Variants in NTM observed in about 807,000 individuals in gnomAD.
The protein encoded by NTM is neurotrimin.
Under a neutral mutation model 42.1 loss-of-function variants are expected in NTM, and 13 were observed. The observed-to-expected ratio is 0.31, with a 90% CI of 0.20 to 0.49. NTM has a LOEUF of 0.49. NTM is among the 20% of genes least tolerant of loss of function. NTM has a pLI of 0.99. For synonymous variants in NTM, 187 were observed against 179.2 expected, an observed-to-expected ratio of 1.04 and a Z score of -0.35; for missense variants, 373 against 452.8, an observed-to-expected ratio of 0.82 and a Z score of 1.60.
At chr11:132,052,391 C>T (rs2078977387) in intron 2 of NTM, among the ~76,000 whole-genome samples, 1 of 152,226 alleles carries the variant, frequency 6.6e-6, no homozygotes, top group African/African-American at 2.4e-5. Context: ...GTTTGAGTAC[C>T]ACTACCCACC....
At chr11:132,236,234 T>C (rs2088864293) in intron 4 of NTM, among the ~76,000 whole-genome samples, 2 of 152,226 alleles carry the variant, frequency 1.3e-5, no homozygotes, top group African/African-American at 4.8e-5. Flanking sequence ...GTAAGTACCA[T>C]TGTAATCTTC....
intron 3 of NTM, among the ~76,000 whole-genome samples, chr11:132,158,854 C>T (rs865868833): frequency 5.3e-5 from 8 of 152,146 alleles, no homozygotes; most frequent in Admixed American, 3.3e-4. Flanking sequence ...AGGAACAAAT[C>T]ACACAGCAGG....
At chr11:131,382,638 C>T (rs1361379562) in intron 1 of NTM, among the ~76,000 whole-genome samples, 1 of 152,172 alleles carries the variant, frequency 6.6e-6, no homozygotes. Flanking sequence ...GTATGATCCA[C>T]TTTCTAAGAG....
At chr11:132,076,519 T>G (rs532489724) in intron 2 of NTM, among the ~76,000 whole-genome samples, 73 of 152,324 alleles carry the variant, frequency 4.8e-4, no homozygotes, top group African/African-American at 1.7e-3. Flanking sequence ...AACATTCTCT[T>G]GGAGAGTGGG....
chr11:131,927,118 C>T (rs1434575980), intron 2 of NTM, among the ~76,000 whole-genome samples: 2 of 152,150 alleles, frequency 1.3e-5, no homozygotes, highest in African/African-American at 4.8e-5. Context: ...TATTTCATCT[C>T]TCTATTCAGT....
intron 2 of NTM, among the ~76,000 whole-genome samples, chr11:132,056,358 C>T (rs2079656494): frequency 6.6e-6 from 1 of 152,194 alleles, no homozygotes; most frequent in African/African-American, 2.4e-5. Flanking sequence ...CACTTGTATA[C>T]ATTGATAAAT....
At chr11:131,873,313 A>G (rs1406671723) in intron 1 of NTM, among the ~76,000 whole-genome samples, 1 of 150,698 alleles carries the variant, frequency 6.6e-6, no homozygotes, top group Non-Finnish European at 1.5e-5. Flanking sequence ...CTGAACAATG[A>G]GAACACATGG....
intron 1 of NTM, among the ~76,000 whole-genome samples, chr11:131,459,860 G>A (rs59635391): frequency 0.01 from 1,591 of 152,248 alleles, 41 homozygotes; most frequent in African/African-American, 0.035. Flanking sequence ...CAAGGCTGGG[G>A]TGGATTAGTT....
intron 2 of NTM, among the ~76,000 whole-genome samples, chr11:131,938,058 CGGG>C (rs1262356172): frequency 1.3e-5 from 2 of 152,160 alleles, no homozygotes; most frequent in East Asian, 3.8e-4. Flanking sequence ...TAACACGTAT[CGGG>C]TGCTTACTAC....
At chr11:131,572,028 A>G (rs1207771602) in intron 1 of NTM, among the ~76,000 whole-genome samples, 2 of 152,214 alleles carry the variant, frequency 1.3e-5, no homozygotes, top group Admixed American at 6.5e-5. Context: ...AAGAAATTTG[A>G]CCCATGCTCA....
intron 1 of NTM, among the ~76,000 whole-genome samples, chr11:131,416,017 G>A (rs567450474): frequency 7.3e-4 from 111 of 152,228 alleles, no homozygotes; most frequent in Non-Finnish European, 1.4e-3. Flanking sequence ...TTGTTGTTTG[G>A]ATAAACAATG....
At chr11:131,616,609 C>G (rs2061958545) in intron 1 of NTM, among the ~76,000 whole-genome samples, 1 of 152,144 alleles carries the variant, frequency 6.6e-6, no homozygotes, top group African/African-American at 2.4e-5. Flanking sequence ...AGGGGACATA[C>G]CTCCTGTTTT....
At chr11:131,878,594 AATATATATATATATATAT>A (rs201069325) in intron 1 of NTM, among the ~76,000 whole-genome samples, 227 of 19,346 alleles carry the variant, frequency 0.012, 28 homozygotes, top group South Asian at 0.019. Flanking sequence ...AAAAAAAAAA[AATATATATATATATATAT>A]ATATATATAT....
intron 2 of NTM, among the ~76,000 whole-genome samples, chr11:132,113,938 C>T (rs914533741): frequency 6.6e-6 from 1 of 152,182 alleles, no homozygotes; most frequent in African/African-American, 2.4e-5. Context: ...TCAGTTTACC[C>T]ATGCTGCGGC....
chr11:131,516,312 G>C (rs759094109), intron 1 of NTM, among the ~76,000 whole-genome samples: 7 of 152,182 alleles, frequency 4.6e-5, no homozygotes, highest in Non-Finnish European at 7.3e-5. Context: ...TACATTTCTA[G>C]GGCTTCTGAA....
At chr11:132,234,835 T>G in intron 4 of NTM, among the ~76,000 whole-genome samples, 1 of 152,218 alleles carries the variant, frequency 6.6e-6, no homozygotes, top group Non-Finnish European at 1.5e-5. Flanking sequence ...TCTACATAAC[T>G]TTGTTACTTT....
chr11:131,812,525 G>A (rs567758328), intron 1 of NTM, among the ~76,000 whole-genome samples: 4 of 151,306 alleles, frequency 2.6e-5, no homozygotes, highest in South Asian at 4.2e-4. Context: ...TCCATACAAT[G>A]TACACCAGGC....
intron 1 of NTM, among the ~76,000 whole-genome samples, chr11:131,429,908 T>C (rs985333617): frequency 1.3e-5 from 2 of 152,242 alleles, no homozygotes; most frequent in Non-Finnish European, 1.5e-5. Flanking sequence ...ACTGACATTG[T>C]AATTGTTGGT....
intron 4 of NTM, among the ~76,000 whole-genome samples, chr11:132,236,278 G>A (rs960171842): frequency 6.6e-6 from 1 of 152,172 alleles, no homozygotes; most frequent in African/African-American, 2.4e-5. Context: ...GCTCAGAGAG[G>A]TTTGGTGATT....
Sources: allele counts gnomAD v4.1 joint callset (sites outside exome capture counted in the v4.1 genomes callset), GRCh38; gene constraint gnomAD v4.1.1; transcripts MANE v1.5; gene names NCBI Gene and HGNC (gene_info 2026-07-23, HGNC 2026-07-21).